The following SLC6A2 variants were observed in gnomAD, a reference collection of about 807,000 sequenced individuals.
SLC6A2 encodes solute carrier family 6 member 2, also known as sodium-dependent noradrenaline transporter.
Under a neutral mutation model 71.7 loss-of-function variants are expected in SLC6A2, and 26 were observed. The observed-to-expected ratio is 0.36, with a 90% CI of 0.27 to 0.50. The LOEUF (loss-of-function observed/expected upper bound fraction) is 0.50. SLC6A2 is among the 20% of genes least tolerant of loss of function. SLC6A2 has a pLI of 0.96. For missense variants in SLC6A2, 581 were observed against 803.9 expected, an observed-to-expected ratio of 0.72 and a Z score of 3.35; for synonymous variants, 363 against 337.9, an observed-to-expected ratio of 1.07 and a Z score of -0.82.
chr16:55,666,219 A>G (rs546475385), intron 2 of SLC6A2, among the ~76,000 whole-genome samples: 1 of 152,354 alleles, frequency 6.6e-6, no homozygotes, highest in Admixed American at 6.5e-5. Context: ...GGCTGGTTGC[A>G]GCTGGCACTG....
intron 4 of SLC6A2, among the ~76,000 whole-genome samples, 162 bp downstream of exon 4, chr16:55,672,337 C>G (rs1246235541): frequency 1.3e-5 from 2 of 152,126 alleles, no homozygotes; most frequent in Non-Finnish European, 2.9e-5. Flanking sequence ...GCTGAGGACA[C>G]GCCACGGTCG....
At chr16:55,669,770 T>A in intron 3 of SLC6A2, 74 bp downstream of exon 3, 1 of 1,529,874 alleles carries the variant, frequency 6.5e-7, no homozygotes, top group Non-Finnish European at 9.0e-7. Flanking sequence ...TCTGCTCCAG[T>A]GGTGAGATCT....
At chr16:55,699,008 T>C (rs1965886747) in intron 11 of SLC6A2, among the ~76,000 whole-genome samples, 1 of 152,250 alleles carries the variant, frequency 6.6e-6, no homozygotes, top group Admixed American at 6.5e-5. Flanking sequence ...GTATCTTGTA[T>C]TTTTTCTGGC....
At chr16:55,687,630 C>T (rs1965497055) in intron 5 of SLC6A2, among the ~76,000 whole-genome samples, 1 of 152,164 alleles carries the variant, frequency 6.6e-6, no homozygotes, top group South Asian at 2.1e-4. Flanking sequence ...AGACAGAGAC[C>T]CTGAGGGGAG....
chr16:55,691,860 G>C lies in SLC6A2; in HGVS notation c.784-58G>C, dbSNP rs756247209. ...TGGGAAAGGGCTCTGTGCCCCACCA[G>C]CCCGCCACGGGATTGGGGCCAGAGC... On this transcript the variant is annotated intron_variant, in intron 5 of 14. Transcript: ENST00000568943. The C allele has an allele frequency of 3.6e-5, 57 of 1,602,836 alleles. No homozygotes were observed. In the Middle Eastern group the frequency reaches 7.5e-4, roughly 21 times the overall value.
At chr16:55,669,789 C>T (rs1964853913) in intron 3 of SLC6A2, 93 bp downstream of exon 3, 7 of 1,372,204 alleles carry the variant, frequency 5.1e-6, no homozygotes, top group South Asian at 1.2e-5. Flanking sequence ...CTAAGGTAGA[C>T]CTCCTGTCAT....
At chr16:55,659,136 G>A (rs1421168993) in intron 2 of SLC6A2, among the ~76,000 whole-genome samples, 1 of 152,094 alleles carries the variant, frequency 6.6e-6, no homozygotes, top group Non-Finnish European at 1.5e-5. Context: ...ACAATGCTAG[G>A]CTCTGCAGGG....
chr16:55,677,403 G>A (rs913621406), intron 4 of SLC6A2, among the ~76,000 whole-genome samples: 1 of 152,252 alleles, frequency 6.6e-6, no homozygotes, highest in Non-Finnish European at 1.5e-5. Flanking sequence ...AATTAAAATG[G>A]GAAATGATAG....
intron 5 of SLC6A2, among the ~76,000 whole-genome samples, chr16:55,690,221 A>G (rs1351543558): frequency 1.3e-5 from 2 of 152,196 alleles, no homozygotes; most frequent in Admixed American, 6.5e-5. Flanking sequence ...CATTCGTACA[A>G]TAAACATTTA....
At chr16:55,671,592 G>C in intron 3 of SLC6A2, 1 of 488,664 alleles carries the variant, frequency 2.0e-6, no homozygotes, top group East Asian at 3.1e-5. Flanking sequence ...CCTGAGCTCC[G>C]CCTCCTGTCA....
intron 2 of SLC6A2, among the ~76,000 whole-genome samples, chr16:55,664,694 T>C (rs1324650464): frequency 3.9e-5 from 6 of 152,190 alleles, no homozygotes; most frequent in Non-Finnish European, 8.8e-5. Context: ...TATTATCGCA[T>C]TTACAAAGGG....
At chr16:55,690,087 C>T (rs1965569758) in intron 5 of SLC6A2, among the ~76,000 whole-genome samples, 1 of 152,158 alleles carries the variant, frequency 6.6e-6, no homozygotes, top group Non-Finnish European at 1.5e-5. Flanking sequence ...CTACTCAACC[C>T]TCCACCCACC....
intron 2 of SLC6A2, among the ~76,000 whole-genome samples, chr16:55,667,282 G>A (rs1164899770): frequency 6.6e-6 from 1 of 152,226 alleles, no homozygotes; most frequent in African/African-American, 2.4e-5. Flanking sequence ...CCACAAGGCA[G>A]AGTGGGGCTG....
At chr16:55,660,881 T>C (rs551090758) in intron 2 of SLC6A2, among the ~76,000 whole-genome samples, 1 of 152,196 alleles carries the variant, frequency 6.6e-6, no homozygotes, top group Non-Finnish European at 1.5e-5. Flanking sequence ...ATGGAGGATA[T>C]TTTGAAATGA....
intron 6 of SLC6A2, among the ~76,000 whole-genome samples, chr16:55,693,598 G>A (rs1567453251): frequency 6.6e-6 from 1 of 152,216 alleles, no homozygotes; most frequent in Non-Finnish European, 1.5e-5. Context: ...CATTGTCTAT[G>A]GCTTGTAGAA....
chr16:55,677,674 T>TTTGTTTGC (rs1307302708), intron 4 of SLC6A2, among the ~76,000 whole-genome samples: 2 of 151,714 alleles, frequency 1.3e-5, no homozygotes, highest in Non-Finnish European at 2.9e-5. Context: ...TTTTTGTTTG[T>TTTGTTTGC]TTGTTTGTTT....
Position 55,656,555 on chromosome 16 carries a change from C to A in SLC6A2, c.-51-89C>A. 9.5e-7 allele frequency: 1 copy of A among 1,054,282 alleles called. No homozygotes were observed. Among genetic ancestry groups the A allele is most frequent in the Non-Finnish European group, 1.4e-6 (1 of 691,268 alleles). The allele number at this position is 1,054,282 out of a possible 1,614,324, so 65.3% of individuals were successfully genotyped here. The stretch of plus-strand genomic sequence containing the variant: ...GCGTCCGCTCAGCGCGCGCTCATCC[C>A]AGTGTCTAAGGCGCTCCCGGGTGGT... On this transcript the variant is annotated intron_variant, in intron 1 of 14. Coordinates refer to ENST00000568943, the MANE Select transcript of SLC6A2 (RefSeq NM_001172501.3). This position sits in a 1 kb window ranked among gnomAD's most constrained non-coding sequence, Gnocchi z 4.5.
intron 7 of SLC6A2, among the ~76,000 whole-genome samples, chr16:55,694,832 T>TG (rs1227622646): frequency 6.6e-6 from 1 of 152,060 alleles, no homozygotes; most frequent in Non-Finnish European, 1.5e-5. Flanking sequence ...CTGCATGCAC[T>TG]GGGGGGAGAA....
At chr16:55,672,464 A>C (rs1370554060) in intron 4 of SLC6A2, among the ~76,000 whole-genome samples, 1 of 152,174 alleles carries the variant, frequency 6.6e-6, no homozygotes, top group Non-Finnish European at 1.5e-5. Flanking sequence ...CAGGGAATGC[A>C]ACACTTTCTG....
Sources: allele counts gnomAD v4.1 joint callset (sites outside exome capture counted in the v4.1 genomes callset), GRCh38; gene constraint gnomAD v4.1.1; non-coding constraint Gnocchi (gnomAD v3.1); transcripts MANE v1.5; gene names NCBI Gene and HGNC (gene_info 2026-07-23, HGNC 2026-07-21).